Variants in DOCK2 observed in about 807,000 individuals in gnomAD.
The protein encoded by DOCK2 is dedicator of cytokinesis 2, also known as dedicator of cytokinesis protein 2.
A neutral mutation model predicts 248.9 loss-of-function variants in DOCK2; 87 were observed. That is an observed-to-expected ratio of 0.35 (90% CI 0.29 to 0.42). The LOEUF (loss-of-function observed/expected upper bound fraction) is 0.42, where lower values mean the gene tolerates loss of function less well. Among genes scored for constraint, DOCK2 ranks in the 10% least tolerant of loss-of-function variants. DOCK2 has a pLI of 1.00. For missense variants in DOCK2, 1,747 were observed against 2,300.2 expected (o/e 0.76, Z 4.92); for synonymous variants, 805 against 821.6 (o/e 0.98, Z 0.35).
At chr5:169,671,426 A>G (rs2113293298) in intron 5 of DOCK2, among the ~76,000 whole-genome samples, 1 of 152,322 alleles carries the variant, frequency 6.6e-6, no homozygotes, top group Middle Eastern at 3.4e-3. Context: ...GAAGTTGTCA[A>G]ACTTGAGCAT....
chr5:170,025,852 C>CTTCCTTCT (rs1755896154), intron 33 of DOCK2, among the ~76,000 whole-genome samples: 1 of 131,602 alleles, frequency 7.6e-6, no homozygotes, highest in Admixed American at 7.9e-5. Context: ...TCCTTCTTTC[C>CTTCCTTCT]TTCCTTCCTT....
intron 5 of DOCK2, among the ~76,000 whole-genome samples, chr5:169,673,525 T>TA (rs1013195625): frequency 6.6e-6 from 1 of 151,812 alleles, no homozygotes; most frequent in South Asian, 2.1e-4. Flanking sequence ...ATTATTTTTA[T>TA]AAAAAAAAAT....
intron 27 of DOCK2, among the ~76,000 whole-genome samples, chr5:169,916,093 T>G (rs955793808): frequency 2.0e-5 from 3 of 152,200 alleles, no homozygotes; most frequent in Non-Finnish European, 4.4e-5. Context: ...TGCCAGGCAG[T>G]TAATGAGAAT....
chr5:170,040,930 C>T, intron 36 of DOCK2, 125 bp from the exon 37 acceptor site: 2 of 715,674 alleles, frequency 2.8e-6, no homozygotes, highest in Non-Finnish European at 4.5e-6. Context: ...TCTGGTTATC[C>T]AGGGAGGAGG....
chr5:169,908,122 C>G (rs1774396085), intron 27 of DOCK2, among the ~76,000 whole-genome samples: 2 of 152,084 alleles, frequency 1.3e-5, no homozygotes, highest in African/African-American at 4.8e-5. Flanking sequence ...ATTCTGCAGC[C>G]CCATTTCAGT....
chr5:169,798,378 T>A (rs1297282353), intron 25 of DOCK2, among the ~76,000 whole-genome samples: 1 of 152,212 alleles, frequency 6.6e-6, no homozygotes, highest in East Asian at 1.9e-4. Flanking sequence ...TGCCAGACTT[T>A]CCCGTGAAAA....
chr5:169,892,656 A>C (rs1038495148), intron 27 of DOCK2, among the ~76,000 whole-genome samples: 1 of 152,144 alleles, frequency 6.6e-6, no homozygotes, highest in Non-Finnish European at 1.5e-5. Context: ...ACCCAGGGAG[A>C]TATGACTACC....
At chr5:169,974,629 A>G (rs1377513915) in intron 27 of DOCK2, among the ~76,000 whole-genome samples, 1 of 151,768 alleles carries the variant, frequency 6.6e-6, no homozygotes, top group African/African-American at 2.4e-5. Flanking sequence ...GCTGCTTAGG[A>G]TCCTTATCCA....
intron 26 of DOCK2, among the ~76,000 whole-genome samples, chr5:169,833,291 G>A (rs1228702092): frequency 2.0e-5 from 3 of 152,122 alleles, no homozygotes; most frequent in Admixed American, 6.5e-5. Context: ...AAAGTTTAGG[G>A]CAGAATTCCC....
intron 49 of DOCK2, 22 bp from the exon 50 acceptor site, chr5:170,080,141 T>C: frequency 2.5e-6 from 4 of 1,613,842 alleles, no homozygotes; most frequent in Non-Finnish European, 3.4e-6. Context: ...TGTGTGTGTG[T>C]GTGTCTGGTG....
chr5:169,836,463 T>C (rs1327213405), intron 26 of DOCK2, among the ~76,000 whole-genome samples: 1 of 152,258 alleles, frequency 6.6e-6, no homozygotes, highest in Non-Finnish European at 1.5e-5. Flanking sequence ...ATAACATTTC[T>C]AGTTTCTAAT....
At chr5:169,727,979 A>G (rs577690571) in intron 22 of DOCK2, among the ~76,000 whole-genome samples, 38 of 152,230 alleles carry the variant, frequency 2.5e-4, no homozygotes, top group African/African-American at 8.4e-4. Flanking sequence ...TGAAGCTATC[A>G]CAATAATCCA....
intron 36 of DOCK2, among the ~76,000 whole-genome samples, chr5:170,038,343 C>A (rs1756391834): frequency 6.6e-6 from 1 of 152,150 alleles, no homozygotes; most frequent in Non-Finnish European, 1.5e-5. Context: ...AGATTTGAGG[C>A]CCGTAGTAAT....
At chr5:170,013,090 A>T (rs1382257376) in intron 32 of DOCK2, among the ~76,000 whole-genome samples, 1 of 152,110 alleles carries the variant, frequency 6.6e-6, no homozygotes, top group African/African-American at 2.4e-5. Context: ...GGATGATTCC[A>T]TGTGGGGAAA....
At chr5:169,654,538 T>G (rs542631592) in intron 2 of DOCK2, 52 bp downstream of exon 2, 1 of 1,592,102 alleles carries the variant, frequency 6.3e-7, no homozygotes, top group East Asian at 2.2e-5. Flanking sequence ...GATGGAAGCC[T>G]ATAGTACACC....
At chr5:169,819,734 T>C (rs531530992) in intron 26 of DOCK2, among the ~76,000 whole-genome samples, 2 of 152,282 alleles carry the variant, frequency 1.3e-5, no homozygotes, top group South Asian at 4.1e-4. Flanking sequence ...CCAACTGAGG[T>C]ACCGGGTTCA....
chr5:169,696,665 A>G (rs1760649774), intron 10 of DOCK2, among the ~76,000 whole-genome samples: 2 of 152,212 alleles, frequency 1.3e-5, no homozygotes, highest in Admixed American at 6.5e-5. Context: ...TTAAGAGTAT[A>G]CCGTGCATAA....
intron 26 of DOCK2, among the ~76,000 whole-genome samples, chr5:169,839,357 G>C (rs1241671167): frequency 6.6e-6 from 1 of 152,198 alleles, no homozygotes; most frequent in African/African-American, 2.4e-5. Flanking sequence ...GACCTTGAGA[G>C]AACCTTCTAC....
At chr5:169,928,355 A>G (rs1775577579) in intron 27 of DOCK2, among the ~76,000 whole-genome samples, 1 of 152,226 alleles carries the variant, frequency 6.6e-6, no homozygotes. Context: ...GGGATGCCCT[A>G]TCTCCACCTG....
Sources: allele counts gnomAD v4.1 joint callset (sites outside exome capture counted in the v4.1 genomes callset), GRCh38; gene constraint gnomAD v4.1.1; transcripts MANE v1.5; gene names NCBI Gene and HGNC (gene_info 2026-07-23, HGNC 2026-07-21).